The following SCN1B variants were observed in gnomAD, a reference collection of about 807,000 sequenced individuals.
SCN1B encodes sodium channel regulatory subunit beta-1.
Under a neutral mutation model 25.7 loss-of-function variants are expected in SCN1B, and 11 were observed. That is an observed-to-expected ratio of 0.43 (90% CI 0.27 to 0.71). SCN1B has a LOEUF of 0.71. Among genes scored for constraint, SCN1B ranks in the 30% least tolerant of loss-of-function variants. SCN1B has a pLI of 0.21. For missense variants in SCN1B, 224 were observed against 291.5 expected (o/e 0.77, Z 1.69); for synonymous variants, 119 against 117.5 (o/e 1.01, Z -0.08).
At chr19:35,039,019 G>A (rs1182956582) in intron 3 of SCN1B, 98 bp from the exon 4 acceptor site, 5 of 1,411,030 alleles carry the variant, frequency 3.5e-6, no homozygotes, top group Admixed American at 1.7e-5. Flanking sequence ...GGCCCAGGGA[G>A]GTTGAGCCAC....
Position 35,033,827 on chromosome 19 carries a change from G to A in SCN1B, c.448+88G>A, listed in dbSNP as rs267607028. 44 of 1,612,708 alleles carry A rather than the reference G, an allele frequency of 2.7e-5. No individual in the cohort carries two copies. Among genetic ancestry groups the A allele is most frequent in the Non-Finnish European group, 3.6e-5 (43 of 1,179,576 alleles). Reference sequence around the variant, plus strand: ...TGGCAGGCAGTGGACAGGACAGGCTGGCTCTGTGCCTGGCCAGCCAACCGC... The same window carrying A: ...TGGCAGGCAGTGGACAGGACAGGCTAGCTCTGTGCCTGGCCAGCCAACCGC... On this transcript the variant is annotated intron_variant, in intron 3 of 5. Transcript: ENST00000262631.
rs768598244 is a variant in SCN1B at position 35,039,958 on chromosome 19, C to G, written c.*167C>G. On this transcript the variant is annotated 3_prime_UTR_variant, in exon 6 of 6. Transcript: ENST00000262631. ...GGGGCAGGGGGCTTGGCTCGCACCC[C>G]CACTTTCGCCTCCTCCAGCTCCTGC... The G allele has an allele frequency of 4.6e-5, 26 of 570,632 alleles. No individual in the cohort carries two copies. The highest frequency in any genetic ancestry group is 7.5e-5 in the Non-Finnish European group (24 of 318,534). The allele number at this position is 570,632 out of a possible 1,614,324, so 35.3% of individuals were successfully genotyped here. A position where few individuals can be genotyped will look rare whatever the true frequency, so the allele number is the denominator to read the frequency against.
chr19:35,034,221 G>C (rs2064234636), intron 3 of SCN1B: 4 of 1,491,644 alleles, frequency 2.7e-6, no homozygotes, highest in African/African-American at 1.4e-5. Context: ...GCTCAGCCCT[G>C]CTGCCCTCTG....
At chr19:35,033,845 C>T in intron 3 of SCN1B, 106 bp downstream of exon 3, 1 of 1,611,644 alleles carries the variant, frequency 6.2e-7, no homozygotes. Context: ...GCCTGGCCAG[C>T]CAACCGCCCA....
chr19:35,033,377 G>A (rs1410740961), intron 2 of SCN1B, 122 bp from the exon 3 acceptor site: 5 of 1,557,750 alleles, frequency 3.2e-6, no homozygotes, highest in South Asian at 1.2e-5. Context: ...TGAGGTCAAG[G>A]TGTCTGAGCC....
In SCN1B at chr19:35,039,718, G is replaced by A. The variant is rs775598985; in HGVS notation, c.*5+12G>A. On this transcript the variant is annotated intron_variant, in intron 5 of 5. Transcript: ENST00000262631. ...GCCGAATAGCCCTGGTAAGGCGGAT[G>A]GGCTGGCAGAGGGGAAGGGGATTGG... The A allele has an allele frequency of 4.3e-6, 7 of 1,613,792 alleles. No homozygotes were observed. Among genetic ancestry groups the A allele is most frequent in the Non-Finnish European group, 5.9e-6 (7 of 1,179,794 alleles).
At chr19:35,031,079 A>G (rs1357328915) in intron 1 of SCN1B, among the ~76,000 whole-genome samples, 1 of 150,908 alleles carries the variant, frequency 6.6e-6, no homozygotes, top group East Asian at 2.0e-4. Flanking sequence ...CCGGGCTGGC[A>G]CAGCCTGGCG....
In SCN1B at chr19:35,030,834, TG is replaced by T; in HGVS notation, c.16del (p.Ala6ProfsTer2). 9.7e-7 allele frequency: 1 copy of T among 1,034,804 alleles called. No individual in the cohort carries two copies. Among genetic ancestry groups the T allele is most frequent in the Non-Finnish European group, 1.2e-6 (1 of 827,528 alleles). The allele number at this position is 1,034,804 out of a possible 1,614,324, so 64.1% of individuals were successfully genotyped here. On this transcript the variant is annotated frameshift_variant, in exon 1 of 6. Coordinates refer to ENST00000262631, the MANE Select transcript of SCN1B (RefSeq NM_001037.5). LOFTEE classifies it high-confidence loss of function. The part of the protein sequence containing the change: MGRL[L>X]ALVVGAALVS... ...CGCCGCGCAGCCATGGGGAGGCTGC[TG>T]GCCTTAGTGGTCGGCGCGGCACTGG...
intron 3 of SCN1B, chr19:35,036,648 G>A (rs942688443): frequency 6.6e-6 from 1 of 151,900 alleles, no homozygotes; most frequent in Non-Finnish European, 1.5e-5. Flanking sequence ...GGCCAGGCTG[G>A]TCTCGAACTC....
intron 3 of SCN1B, chr19:35,038,861 G>T (rs758298998): frequency 2.1e-5 from 11 of 520,976 alleles, no homozygotes; most frequent in Middle Eastern, 5.3e-4. Context: ...TGAGCCTTCT[G>T]GTTGCAGAGC....
Position 35,039,803 on chromosome 19 carries a change from G to A in SCN1B, c.*12G>A. 5 of 1,274,996 alleles carry A rather than the reference G, an allele frequency of 3.9e-6. No homozygotes were observed. Among genetic ancestry groups the A allele is most frequent in the South Asian group, 1.3e-5 (1 of 79,748 alleles). The allele number at this position is 1,274,996 out of a possible 1,614,324, so 79.0% of individuals were successfully genotyped here. On this transcript the variant is annotated 3_prime_UTR_variant, in exon 6 of 6. Coordinates refer to ENST00000262631, the MANE Select transcript of SCN1B (RefSeq NM_001037.5). ...CTCTCTTGCTCCCCTTCAGGCCCTGGGCCCCGCCTCAAGGAAGAGCCAGCC... is the reference window on the plus strand; with the variant it reads ...CTCTCTTGCTCCCCTTCAGGCCCTGAGCCCCGCCTCAAGGAAGAGCCAGCC...
In SCN1B at chr19:35,039,610, T is replaced by G. The variant is rs28365107; in HGVS notation, c.591-25T>G. The G allele has an allele frequency of 0.014, 22,132 of 1,613,494 alleles. 192 individuals carry two copies. The highest frequency in any genetic ancestry group is 0.019 in the South Asian group (1,734 of 91,062). On this transcript the variant is annotated intron_variant, in intron 4 of 5. Transcript: ENST00000262631. ...TGGGTCGGTCTGATGATGGGGTCAC[T>G]GTATACCTGGCCTTTCCCCCACAGC...
chr19:35,030,825 G>T lies in SCN1B; in HGVS notation c.5G>T (p.Gly2Val), dbSNP rs1402221712. The T allele has an allele frequency of 9.3e-7, 1 of 1,080,280 alleles. No individual in the cohort carries two copies. The highest frequency in any genetic ancestry group is 1.2e-6 in the Non-Finnish European group (1 of 855,438). 66.9% of individuals were successfully genotyped at this position (1,080,280 alleles called of 1,614,324 possible). The stretch of plus-strand genomic sequence containing the variant: ...CGCAGCACGCGCCGCGCAGCCATGG[G>T]GAGGCTGCTGGCCTTAGTGGTCGGC... M[G>V]RLLALVVGAA... Residue 2 changes from glycine to valine, a missense_variant, in exon 1 of 6, where the codon GGG becomes GTG. This residue lies in a region of SCN1B where 46 missense variants were observed against 35.8 expected (regional missense o/e 1.29). Transcript: ENST00000262631.
chr19:35,030,678 T>A lies in SCN1B; in HGVS notation c.-143T>A. On this transcript the variant is annotated 5_prime_UTR_variant, in exon 1 of 6. Transcript: ENST00000262631. ...AGCGGGGGGGCCGCGCCCCCCCTCC[T>A]CCCCCCTCGCCGGTCCCAGAGCCGC... is the stretch of plus-strand genomic sequence containing the variant. 3.8e-5 allele frequency: 6 copies of A among 157,424 alleles called. No individual in the cohort carries two copies. The highest frequency in any genetic ancestry group is 6.7e-5 in the Non-Finnish European group (5 of 74,802). The allele number at this position is 157,424 out of a possible 1,614,324, so 9.8% of individuals were successfully genotyped here.
chr19:35,034,559 G>C (rs1368197579), intron 3 of SCN1B: 1 of 181,234 alleles, frequency 5.5e-6, no homozygotes, highest in Admixed American at 5.3e-5. Flanking sequence ...TGTGGCCACT[G>C]GCTTAGAGTT....
intron 3 of SCN1B, chr19:35,035,868 T>C (rs753895932): frequency 5.9e-5 from 9 of 151,910 alleles, no homozygotes; most frequent in Non-Finnish European, 1.0e-4. Flanking sequence ...AACACAACAG[T>C]TTTTTGTTTT....
intron 3 of SCN1B, 61 bp from the exon 4 acceptor site, chr19:35,039,056 C>T (rs1036963727): frequency 4.4e-6 from 7 of 1,602,886 alleles, no homozygotes; most frequent in African/African-American, 1.3e-5. Context: ...AGCAAGCTCA[C>T]AGCACACTCA....
At chr19:35,033,440 G>A in intron 2 of SCN1B, 59 bp from the exon 3 acceptor site, 1 of 1,609,908 alleles carries the variant, frequency 6.2e-7, no homozygotes, top group Non-Finnish European at 8.5e-7. Flanking sequence ...CAGAATCAGG[G>A]TCAGGTAAGG....
At position 35,039,793 on chromosome 19, in the gene SCN1B, T is replaced by A. The variant is rs1461669892; in HGVS notation, c.*6-4T>A. On this transcript the variant is annotated splice_polypyrimidine_tract_variant and splice_region_variant and intron_variant, in intron 5 of 5. Transcript: ENST00000262631. ...CTAATTCCCCCTCTCTTGCTCCCCT[T>A]CAGGCCCTGGGCCCCGCCTCAAGGA... The A allele has an allele frequency of 5.9e-6, 8 of 1,350,772 alleles. 1 individual carries two copies. The highest frequency in any genetic ancestry group is 8.3e-6 in the Non-Finnish European group (8 of 960,546). 83.7% of individuals were successfully genotyped at this position (1,350,772 alleles called of 1,614,324 possible).
Sources: allele counts gnomAD v4.1 joint callset (sites outside exome capture counted in the v4.1 genomes callset), GRCh38; gene constraint gnomAD v4.1.1; regional missense constraint gnomAD v4.1.1; transcripts MANE v1.5; gene names NCBI Gene and HGNC (gene_info 2026-07-23, HGNC 2026-07-21).